Variants in CRYL1 observed in about 807,000 individuals in gnomAD.
CRYL1 encodes crystallin lambda 1.
A neutral mutation model predicts 36.6 loss-of-function variants in CRYL1; 29 were observed. The observed-to-expected ratio is 0.79, with a 90% CI of 0.59 to 1.08. The LOEUF (loss-of-function observed/expected upper bound fraction) is 1.08, where lower values mean the gene tolerates loss of function less well. CRYL1 is among the 50% of genes least tolerant of loss of function. The pLI is 0.00. For missense variants in CRYL1, 411 were observed against 407.9 expected (o/e 1.01, Z -0.06); for synonymous variants, 152 against 151.5 (o/e 1.00, Z -0.02).
intron 3 of CRYL1, among the ~76,000 whole-genome samples, chr13:20,453,468 A>ATATTCTAATATATTTGAAT (rs59029327): frequency 1.4e-4 from 21 of 151,642 alleles, no homozygotes; most frequent in Non-Finnish European, 2.5e-4. Context: ...ATATTTTGAA[A>ATATTCTAATATATTTGAAT]ATGAAAACAC....
At chr13:20,414,205 ATAC>A (rs749769471) in intron 5 of CRYL1, among the ~76,000 whole-genome samples, 469 of 12,696 alleles carry the variant, frequency 0.037, 4 homozygotes, top group Admixed American at 0.15. Flanking sequence ...AATTAAAAAA[ATAC>A]ACACACACAC....
chr13:20,470,451 A>G (rs1034882555), intron 3 of CRYL1, among the ~76,000 whole-genome samples: 1 of 152,246 alleles, frequency 6.6e-6, no homozygotes. Flanking sequence ...ACATCGTCCA[A>G]TCTTCTGAGG....
intron 5 of CRYL1, among the ~76,000 whole-genome samples, chr13:20,424,934 C>T (rs765432655): frequency 6.6e-6 from 1 of 152,142 alleles, no homozygotes; most frequent in Non-Finnish European, 1.5e-5. Flanking sequence ...ATGTAGAACC[C>T]CTCCAGCTGA....
chr13:20,432,192 C>G lies in CRYL1; in HGVS notation c.543G>C (p.Gln181His). 6.2e-7 allele frequency: 1 copy of G among 1,614,066 alleles called. No individual in the cohort carries two copies. Among genetic ancestry groups the G allele is most frequent in the African/African-American group, 1.3e-5 (1 of 75,012 alleles). The change falls in exon 5 of 8, where the codon CAG (glutamine) becomes CAC (histidine). Residue 181 changes from glutamine (Q) to histidine (H), a missense_variant. By Grantham distance (24) the Gln-to-His change is conservative. Coordinates refer to ENST00000298248, the MANE Select transcript of CRYL1 (RefSeq NM_015974.3). ...RTHALMKKIG[Q>H]CPMRVQKEVA... ...CCTCCTTCTGGACTCGCATGGGGCA[C>G]TGTCCAATCTTCTTCATCAGGGCGT...
At chr13:20,509,576 A>AGATATGCAGATG (rs2033876531) in intron 2 of CRYL1, among the ~76,000 whole-genome samples, 7 of 152,224 alleles carry the variant, frequency 4.6e-5, no homozygotes, top group Non-Finnish European at 1.0e-4. Flanking sequence ...GCAGATGACA[A>AGATATGCAGATG]ACATACGAAA....
chr13:20,516,394 A>G (rs138849823), intron 1 of CRYL1, among the ~76,000 whole-genome samples: 1 of 152,200 alleles, frequency 6.6e-6, no homozygotes, highest in African/African-American at 2.4e-5. Flanking sequence ...GGAAATATGT[A>G]TTTGTAACAT....
At chr13:20,418,539 T>A (rs568497994) in intron 5 of CRYL1, 2 of 152,222 alleles carry the variant, frequency 1.3e-5, no homozygotes, top group Non-Finnish European at 2.9e-5. Flanking sequence ...CATCTTTCCT[T>A]CTCTATAATC....
chr13:20,430,147 A>C, intron 5 of CRYL1: 47 of 971,336 alleles, frequency 4.8e-5, no homozygotes, highest in Non-Finnish European at 5.4e-5. Flanking sequence ...TGAAGTTTCT[A>C]GAGCTGCCTT....
chr13:20,523,695 T>A (rs539062324), intron 1 of CRYL1, among the ~76,000 whole-genome samples: 1 of 152,164 alleles, frequency 6.6e-6, no homozygotes, highest in African/African-American at 2.4e-5. Flanking sequence ...GAGCTGGGTG[T>A]GTGCTGAAGT....
At chr13:20,421,499 C>T (rs1210527266) in intron 5 of CRYL1, among the ~76,000 whole-genome samples, 2 of 152,178 alleles carry the variant, frequency 1.3e-5, no homozygotes, top group African/African-American at 4.8e-5. Context: ...GCCCATAGGG[C>T]TCCAGTGGCC....
intron 2 of CRYL1, among the ~76,000 whole-genome samples, chr13:20,502,996 C>A (rs537717812): frequency 6.7e-6 from 1 of 148,780 alleles, no homozygotes; most frequent in Non-Finnish European, 1.5e-5. Context: ...GCCGGAAGCA[C>A]GCAGGATCAT....
intron 2 of CRYL1, among the ~76,000 whole-genome samples, chr13:20,495,717 GA>G: frequency 6.6e-6 from 1 of 152,346 alleles, no homozygotes; most frequent in Middle Eastern, 3.4e-3. Flanking sequence ...GTCAACAACA[GA>G]AGAAGCAAGC....
Position 20,420,701 on chromosome 13 carries a change from T to TTTTTTTTTTTTTTTTGTG in CRYL1, c.634-7315_634-7314insCACAAAAAAAAAAAAAAA. 2.1e-3 allele frequency among the ~76,000 whole-genome samples: 47 copies of TTTTTTTTTTTTTTTTGTG among 21,870 alleles called. 5 individuals carry two copies. The highest frequency in any genetic ancestry group is 2.9e-3 in the Non-Finnish European group (21 of 7,320). The allele number at this position is 21,870 out of a possible 152,430, so 14.3% of individuals were successfully genotyped here. On this transcript the variant is annotated intron_variant, in intron 5 of 7. Transcript: ENST00000298248. ...CTTTGACTTTTCTTTAAAATAGAGG[T>TTTTTTTTTTTTTTTTGTG]TGTGTGTGTGTGTGTGTGTGTGTGT... is the stretch of plus-strand genomic sequence containing the variant.
At chr13:20,460,815 G>A (rs533808356) in intron 3 of CRYL1, among the ~76,000 whole-genome samples, 10 of 152,236 alleles carry the variant, frequency 6.6e-5, no homozygotes, top group Non-Finnish European at 1.3e-4. Context: ...GTGAGCCACT[G>A]CGCCCCGCCG....
At chr13:20,462,731 T>G (rs2032855914) in intron 3 of CRYL1, among the ~76,000 whole-genome samples, 1 of 151,544 alleles carries the variant, frequency 6.6e-6, no homozygotes, top group African/African-American at 2.4e-5. Context: ...CTGAGTTTGT[T>G]GTCTCCTAAA....
chr13:20,480,669 T>A (rs536959787), intron 3 of CRYL1, among the ~76,000 whole-genome samples: 1 of 152,330 alleles, frequency 6.6e-6, no homozygotes, highest in South Asian at 2.1e-4. Flanking sequence ...CACTGCCTCG[T>A]CCATCACTGC....
rs927890603 is a variant in CRYL1, at chr13:20,415,016, G to A, written c.634-1629C>T. Among the ~76,000 whole-genome samples the A allele has an allele frequency of 1.3e-5, 2 of 152,222 alleles. No individual in the cohort carries two copies. Among genetic ancestry groups the A allele is most frequent in the African/African-American group, 4.8e-5 (2 of 41,462 alleles). The stretch of plus-strand genomic sequence containing the variant: ...CTGAGGCAGTAGCGCTGGCCCGCCT[G>A]CGAGAGCCCGACCGTGGACGATGCG... On this transcript the variant is annotated intron_variant, in intron 5 of 7. Transcript: ENST00000298248. The surrounding 1 kb of genome is among the most constrained non-coding windows in gnomAD (Gnocchi z 4.1).
chr13:20,507,255 T>C (rs1438292716), intron 2 of CRYL1, among the ~76,000 whole-genome samples: 1 of 152,216 alleles, frequency 6.6e-6, no homozygotes, highest in East Asian at 1.9e-4. Context: ...AAAATAACAT[T>C]TTGTGACTCT....
At chr13:20,437,624 A>G (rs2032259794) in intron 4 of CRYL1, among the ~76,000 whole-genome samples, 1 of 152,188 alleles carries the variant, frequency 6.6e-6, no homozygotes, top group African/African-American at 2.4e-5. Context: ...TCATTAAATA[A>G]GTGAGCAATA....
Sources: gnomAD v4.1 joint callset for allele counts (sites outside exome capture counted in the v4.1 genomes callset) on GRCh38, gnomAD v4.1.1 for gene constraint, Gnocchi (gnomAD v3.1) non-coding constraint, MANE v1.5 for transcripts, NCBI Gene and HGNC (gene_info 2026-07-23, HGNC 2026-07-21) for gene names.